The following RIC1 variants were observed in gnomAD, a reference collection of about 807,000 sequenced individuals.
RIC1 encodes RIC1 partner of RAB6A GEF complex, also known as guanine nucleotide exchange factor subunit RIC1.
In RIC1, 88 loss-of-function variants were observed where a neutral mutation model predicts 169.0. That is an observed-to-expected ratio of 0.52 (90% CI 0.44 to 0.62). The LOEUF (loss-of-function observed/expected upper bound fraction) is 0.62. RIC1 is among the 20% of genes least tolerant of loss of function. RIC1 has a pLI of 0.00. For synonymous variants in RIC1, 790 were observed against 601.5 expected, an observed-to-expected ratio of 1.31 and a Z score of -4.59; for missense variants, 1,877 against 1,725.5, an observed-to-expected ratio of 1.09 and a Z score of -1.56.
At chr9:5,671,742 C>G (rs1260435076) in intron 2 of RIC1, among the ~76,000 whole-genome samples, 1 of 152,194 alleles carries the variant, frequency 6.6e-6, no homozygotes, top group Non-Finnish European at 1.5e-5. Context: ...CTCCTCTTCT[C>G]AGGAGTATAA....
chr9:5,675,763 T>C (rs555967039), intron 2 of RIC1, among the ~76,000 whole-genome samples: 3 of 152,316 alleles, frequency 2.0e-5, no homozygotes, highest in African/African-American at 4.8e-5. Flanking sequence ...TAAAAACTAA[T>C]GTACCAGTTG....
At chr9:5,759,088 T>C (rs192602486) in intron 17 of RIC1, among the ~76,000 whole-genome samples, 17 of 152,312 alleles carry the variant, frequency 1.1e-4, no homozygotes, top group Middle Eastern at 3.4e-3. Flanking sequence ...CTTTAAAATA[T>C]AGTTCCCATT....
At chr9:5,771,533 T>C (rs1429178097) in intron 23 of RIC1, among the ~76,000 whole-genome samples, 1 of 152,174 alleles carries the variant, frequency 6.6e-6, no homozygotes, top group Non-Finnish European at 1.5e-5. Flanking sequence ...TTATTTTGGG[T>C]ATATATATCC....
At chr9:5,691,038 A>T (rs1452316599) in intron 3 of RIC1, among the ~76,000 whole-genome samples, 2 of 152,002 alleles carry the variant, frequency 1.3e-5, no homozygotes, top group East Asian at 3.8e-4. Context: ...CAGAGGTATA[A>T]TAAAAGTTGT....
intron 3 of RIC1, among the ~76,000 whole-genome samples, chr9:5,706,344 C>T (rs940759686): frequency 2.0e-5 from 3 of 152,056 alleles, no homozygotes; most frequent in South Asian, 2.1e-4. Flanking sequence ...CCCAGGTACT[C>T]GGGAGGCTAA....
chr9:5,669,684 A>G (rs1819977417), intron 2 of RIC1, among the ~76,000 whole-genome samples: 1 of 152,214 alleles, frequency 6.6e-6, no homozygotes, highest in South Asian at 2.1e-4. Flanking sequence ...CGCAGTATAT[A>G]TAGGGAACAC....
chr9:5,768,318 G>T (rs1258365163), intron 21 of RIC1, among the ~76,000 whole-genome samples: 1 of 152,156 alleles, frequency 6.6e-6, no homozygotes, highest in Non-Finnish European at 1.5e-5. Flanking sequence ...TTGAGGCCAG[G>T]AGTTCAAGAT....
intron 1 of RIC1, among the ~76,000 whole-genome samples, chr9:5,639,538 G>T (rs1339812126): frequency 6.6e-6 from 1 of 152,190 alleles, no homozygotes; most frequent in Non-Finnish European, 1.5e-5. Context: ...TCCATGTACT[G>T]AGGGAAAGAA....
intron 2 of RIC1, among the ~76,000 whole-genome samples, chr9:5,684,325 A>C (rs1367326364): frequency 9.1e-6 from 1 of 110,204 alleles, no homozygotes; most frequent in Non-Finnish European, 1.7e-5. Flanking sequence ...TTTATACAGA[A>C]ATGTCTGCTG....
chr9:5,777,126 T>C (rs1386972145), downstream of RIC1, among the ~76,000 whole-genome samples: 2 of 152,184 alleles, frequency 1.3e-5, no homozygotes, highest in East Asian at 3.8e-4. Flanking sequence ...GTAAATCTTC[T>C]CGTAGGATTA....
chr9:5,691,089 C>T (rs962460241), intron 3 of RIC1, among the ~76,000 whole-genome samples: 4 of 151,856 alleles, frequency 2.6e-5, no homozygotes, highest in African/African-American at 9.7e-5. Context: ...TAATAGGGAG[C>T]TGGTTAACAA....
At chr9:5,659,514 C>CTAAGATGCTA (rs1563876252) in intron 2 of RIC1, among the ~76,000 whole-genome samples, 2 of 152,128 alleles carry the variant, frequency 1.3e-5, no homozygotes, top group African/African-American at 4.8e-5. Flanking sequence ...GAGCCAGTCC[C>CTAAGATGCTA]TAAGATGCTA....
At chr9:5,744,574 A>G in intron 10 of RIC1, among the ~76,000 whole-genome samples, 1 of 152,112 alleles carries the variant, frequency 6.6e-6, no homozygotes, top group East Asian at 1.9e-4. Context: ...CTTATGTTTT[A>G]TATATACCTT....
intron 2 of RIC1, among the ~76,000 whole-genome samples, chr9:5,682,495 C>G (rs1027563613): frequency 1.3e-5 from 2 of 152,174 alleles, no homozygotes; most frequent in Non-Finnish European, 2.9e-5. Context: ...CCCTCACTCT[C>G]TTCTGGCTTG....
chr9:5,765,591 A>C lies in RIC1; in HGVS notation c.3000+19A>C. ...AGCTCAGGTTAGTTGCAAAAGTTAC[A>C]CATCTTCTCTAGGCCATACACCCAC... On this transcript the variant is annotated intron_variant, in intron 20 of 25. Transcript: ENST00000414202. 6.2e-7 allele frequency: 1 copy of C among 1,613,978 alleles called. No homozygotes were observed. The highest frequency in any genetic ancestry group is 1.1e-5 in the South Asian group (1 of 91,048).
chr9:5,644,535 T>C (rs905505810), intron 1 of RIC1, among the ~76,000 whole-genome samples: 1 of 152,232 alleles, frequency 6.6e-6, no homozygotes, highest in Non-Finnish European at 1.5e-5. Flanking sequence ...CTTTATCCCC[T>C]TCTCATCCTT....
At chr9:5,635,763 A>T (rs2130257986) in intron 1 of RIC1, among the ~76,000 whole-genome samples, 1 of 152,152 alleles carries the variant, frequency 6.6e-6, no homozygotes, top group South Asian at 2.1e-4. Flanking sequence ...TTCTCACGAG[A>T]TCTGATGGTT....
At chr9:5,741,540 A>C (rs1218638731) in intron 8 of RIC1, among the ~76,000 whole-genome samples, 1 of 151,936 alleles carries the variant, frequency 6.6e-6, no homozygotes, top group Non-Finnish European at 1.5e-5. Flanking sequence ...TTCTCCATCT[A>C]GGTTTGCTGA....
rs147025507 is a variant in RIC1 at position 5,747,732 on chromosome 9, G to T, written c.1452+227G>T. ...CACCTGTTTCAAGTCTATTAATAAT[G>T]TCAAGAACTAGAAGTTTATGTTTTG... On this transcript the variant is annotated intron_variant, in intron 12 of 25. Coordinates refer to ENST00000414202, the MANE Select transcript of RIC1 (RefSeq NM_020829.4). Among the ~76,000 whole-genome samples, 414 of 152,276 alleles carry T rather than the reference G, an allele frequency of 2.7e-3. 1 individual carries two copies. The highest frequency in any genetic ancestry group is 4.4e-3 in the Non-Finnish European group (302 of 68,020).
Sources: gnomAD v4.1 joint callset for allele counts (sites outside exome capture counted in the v4.1 genomes callset) on GRCh38, gnomAD v4.1.1 for gene constraint, MANE v1.5 for transcripts, NCBI Gene and HGNC (gene_info 2026-07-23, HGNC 2026-07-21) for gene names.